ZNF385B: variants seen among roughly 807,000 people sequenced by gnomAD.
ZNF385B encodes zinc finger protein 385B.
Under a neutral mutation model 39.2 loss-of-function variants are expected in ZNF385B, and 23 were observed. The ratio of observed to expected loss-of-function variants is 0.59; its 90% CI spans 0.42 to 0.83. ZNF385B has a LOEUF of 0.83. Ranked by LOEUF, ZNF385B falls within the 40% of genes least tolerant of loss-of-function variation. The pLI, the probability that ZNF385B is intolerant of heterozygous loss-of-function variation, is 0.00. For synonymous variants in ZNF385B, 205 were observed against 222.6 expected, an observed-to-expected ratio of 0.92 and a Z score of 0.70; for missense variants, 552 against 598.9, an observed-to-expected ratio of 0.92 and a Z score of 0.82.
At chr2:179,529,906 A>C (rs1337791022) in intron 4 of ZNF385B, among the ~76,000 whole-genome samples, 4 of 152,230 alleles carry the variant, frequency 2.6e-5, no homozygotes, top group Non-Finnish European at 4.4e-5. Context: ...AGATAATCTA[A>C]ATAAAATGGG....
intron 3 of ZNF385B, among the ~76,000 whole-genome samples, chr2:179,629,514 T>G (rs1356064): frequency 0.91 from 139,091 of 152,258 alleles, 63,601 homozygotes; most frequent in East Asian, 1. Context: ...TAAACAATTT[T>G]TGGGGTACCC....
chr2:179,549,995 C>T (rs1034215093), intron 3 of ZNF385B, among the ~76,000 whole-genome samples: 3 of 149,114 alleles, frequency 2.0e-5, no homozygotes, highest in African/African-American at 7.6e-5. Flanking sequence ...AACTTCAGTG[C>T]TTGTAGATCT....
intron 3 of ZNF385B, among the ~76,000 whole-genome samples, chr2:179,547,231 T>G (rs2060292142): frequency 6.7e-6 from 1 of 149,482 alleles, no homozygotes; most frequent in Non-Finnish European, 1.5e-5. Flanking sequence ...GTGATCTCAT[T>G]TGTCCATTTT....
In ZNF385B at chr2:179,445,607, C is replaced by G; in HGVS notation, c.1083G>C (p.Lys361Asn). 6.2e-7 allele frequency: 1 copy of G among 1,613,816 alleles called. No individual in the cohort carries two copies. Among genetic ancestry groups the G allele is most frequent in the Non-Finnish European group, 8.5e-7 (1 of 1,179,900 alleles). Residue 361 changes from lysine (K) to asparagine (N), a missense_variant, in exon 8 of 10, where the codon AAG becomes AAC. Lys to Asn is a moderately conservative substitution (Grantham distance 94). Transcript: ENST00000410066. Reference protein sequence around the residue: ...NGSKGSGLQNKTFHCEICDVH... With the variant: ...NGSKGSGLQNNTFHCEICDVH... ...CATCACAGATTTCACAATGAAATGT[C>G]TTGTTCTGTAGTCCTGACCCCTTAC... is the stretch of plus-strand genomic sequence containing the variant.
At chr2:179,541,479 C>T (rs1199052633) in intron 4 of ZNF385B, among the ~76,000 whole-genome samples, 2 of 152,002 alleles carry the variant, frequency 1.3e-5, no homozygotes, top group African/African-American at 2.4e-5. Flanking sequence ...AACATCAAAC[C>T]TCCAAAACTT....
intron 3 of ZNF385B, among the ~76,000 whole-genome samples, chr2:179,670,159 G>C (rs1317068780): frequency 6.6e-6 from 1 of 152,022 alleles, no homozygotes; most frequent in African/African-American, 2.4e-5. Flanking sequence ...GGGCGTGATG[G>C]CGGGCGCCTG....
chr2:179,574,579 A>G (rs971978729), intron 3 of ZNF385B, among the ~76,000 whole-genome samples: 1 of 152,236 alleles, frequency 6.6e-6, no homozygotes, highest in Non-Finnish European at 1.5e-5. Flanking sequence ...TTACAGTCAA[A>G]TCAACTGTAG....
intron 3 of ZNF385B, among the ~76,000 whole-genome samples, chr2:179,708,543 C>A (rs1258164961): frequency 2.0e-5 from 3 of 152,184 alleles, no homozygotes; most frequent in African/African-American, 7.2e-5. Context: ...TCAACAGGTT[C>A]AACTAGCATT....
At chr2:179,720,415 G>C (rs1023693910) in intron 3 of ZNF385B, among the ~76,000 whole-genome samples, 1 of 139,740 alleles carries the variant, frequency 7.2e-6, no homozygotes, top group Non-Finnish European at 1.6e-5. Context: ...GAGGGGAGGA[G>C]GGGAGGGGAA....
intron 3 of ZNF385B, among the ~76,000 whole-genome samples, chr2:179,670,983 A>C (rs1396061323): frequency 6.6e-6 from 1 of 152,228 alleles, no homozygotes; most frequent in African/African-American, 2.4e-5. Flanking sequence ...CATCTATGGA[A>C]TGTGATGATA....
chr2:179,741,676 A>G (rs1702097635), intron 3 of ZNF385B, among the ~76,000 whole-genome samples: 1 of 152,136 alleles, frequency 6.6e-6, no homozygotes, highest in Admixed American at 6.6e-5. Context: ...TTGTTAAAAG[A>G]ATTCAATAAA....
At chr2:179,497,892 C>T (rs2056392727) in intron 5 of ZNF385B, among the ~76,000 whole-genome samples, 1 of 151,972 alleles carries the variant, frequency 6.6e-6, no homozygotes, top group Non-Finnish European at 1.5e-5. Context: ...CTACTGGAAA[C>T]TAAAGAAATA....
chr2:179,769,698 G>A lies in ZNF385B; in HGVS notation c.103C>T (p.Pro35Ser). Reference protein sequence around the residue: ...FEEKGIKNDRPEDQLSKEKKK... With the variant: ...FEEKGIKNDRSEDQLSKEKKK... The stretch of plus-strand genomic sequence containing the variant: ...TTCTCTTTGCTCAACTGGTCCTCAG[G>A]CCTGTCGTTCTTTATCCCCTTTTCT... The change falls in exon 3 of 10, where the codon CCT becomes TCT. Residue 35 changes from proline (P) to serine (S), a missense_variant. Physicochemically the swap from Pro to Ser is moderately conservative, Grantham distance 74. Coordinates refer to ENST00000410066, the MANE Select transcript of ZNF385B (RefSeq NM_152520.6). 2 of 1,614,152 alleles carry A rather than the reference G, an allele frequency of 1.2e-6. No individual in the cohort carries two copies. Among genetic ancestry groups the A allele is most frequent in the Non-Finnish European group, 1.7e-6 (2 of 1,180,038 alleles).
At chr2:179,494,614 T>G (rs1226971967) in intron 5 of ZNF385B, among the ~76,000 whole-genome samples, 1 of 152,122 alleles carries the variant, frequency 6.6e-6, no homozygotes, top group African/African-American at 2.4e-5. Context: ...TTAAATTGTA[T>G]TTTTAAAAAT....
At chr2:179,584,926 A>G (rs1686929952) in intron 3 of ZNF385B, among the ~76,000 whole-genome samples, 1 of 152,162 alleles carries the variant, frequency 6.6e-6, no homozygotes, top group African/African-American at 2.4e-5. Flanking sequence ...GGTGAAGGAA[A>G]ATCAGGGCAG....
chr2:179,711,538 A>G (rs996066422), intron 3 of ZNF385B, among the ~76,000 whole-genome samples: 9 of 152,180 alleles, frequency 5.9e-5, no homozygotes, highest in African/African-American at 1.7e-4. Flanking sequence ...GAATGACTCC[A>G]TGGTATAAAA....
chr2:179,557,560 T>C (rs1311227099), intron 3 of ZNF385B, among the ~76,000 whole-genome samples: 2 of 105,128 alleles, frequency 1.9e-5, no homozygotes, highest in African/African-American at 3.5e-5. Context: ...TATATACATG[T>C]TATATATGTA....
intron 3 of ZNF385B, among the ~76,000 whole-genome samples, chr2:179,764,448 T>C (rs1423574144): frequency 6.6e-6 from 1 of 152,182 alleles, no homozygotes; most frequent in Non-Finnish European, 1.5e-5. Context: ...AAAGTAATTA[T>C]TGATGTTAGC....
chr2:179,727,959 A>G (rs190536512), intron 3 of ZNF385B, among the ~76,000 whole-genome samples: 19 of 152,232 alleles, frequency 1.2e-4, no homozygotes, highest in African/African-American at 3.8e-4. Context: ...ATGAATATTG[A>G]TAATAACAAA....
Sources: allele counts gnomAD v4.1 joint callset (sites outside exome capture counted in the v4.1 genomes callset), GRCh38; gene constraint gnomAD v4.1.1; transcripts MANE v1.5; gene names NCBI Gene and HGNC (gene_info 2026-07-23, HGNC 2026-07-21).